TMEM120B: variants seen among roughly 807,000 people sequenced by gnomAD.
TMEM120B encodes the protein transmembrane protein 120B.
Under a neutral mutation model 55.5 loss-of-function variants are expected in TMEM120B, and 31 were observed. That is an observed-to-expected ratio of 0.56 (90% confidence interval 0.42 to 0.75). TMEM120B has a LOEUF of 0.75. Ranked by LOEUF, TMEM120B falls within the 30% of genes least tolerant of loss-of-function variation. The probability of loss-of-function intolerance (pLI) is 0.00; values close to 1 mark genes in which losing one functional copy is unlikely to be tolerated. For synonymous variants in TMEM120B, 203 were observed against 176.3 expected (o/e 1.15, Z -1.20); for missense variants, 399 against 425.5 (o/e 0.94, Z 0.55).
Position 121,781,059 on chromosome 12 carries a change from C to T in TMEM120B, c.*5337C>T, listed in dbSNP as rs1197044987. On this transcript the variant is annotated 3_prime_UTR_variant, in exon 12 of 12. Coordinates refer to ENST00000449592, the MANE Select transcript of TMEM120B (RefSeq NM_001080825.2). ...GTGCGGCCGGGCCCAGATGTGGGGC[C>T]ACCACCCAGGAGGCCGGCCTCACCT... 2 of 1,613,826 alleles carry T rather than the reference C, an allele frequency of 1.2e-6. No individual in the cohort carries two copies. The highest frequency in any genetic ancestry group is 2.2e-5 in the East Asian group (1 of 44,898).
intron 3 of TMEM120B, among the ~76,000 whole-genome samples, chr12:121,749,743 C>G (rs1592937556): frequency 6.6e-6 from 1 of 151,872 alleles, no homozygotes; most frequent in East Asian, 1.9e-4. Flanking sequence ...CCTAAACCTA[C>G]TAAAAATACA....
chr12:121,766,528 C>T (rs952767529), intron 6 of TMEM120B, among the ~76,000 whole-genome samples: 1 of 152,196 alleles, frequency 6.6e-6, no homozygotes, highest in Non-Finnish European at 1.5e-5. Context: ...GCTGACAGAC[C>T]TCCCTCCACC....
chr12:121,720,502 G>A (rs1894773256), intron 1 of TMEM120B, among the ~76,000 whole-genome samples: 1 of 152,092 alleles, frequency 6.6e-6, no homozygotes, highest in Admixed American at 6.6e-5. Flanking sequence ...TTGAGCTCAG[G>A]AGTTTGAGAC....
At chr12:121,736,610 C>T (rs1895121805) in intron 1 of TMEM120B, among the ~76,000 whole-genome samples, 6 of 152,038 alleles carry the variant, frequency 3.9e-5, no homozygotes, top group Admixed American at 3.9e-4. Context: ...AGCGCAGTGG[C>T]ACACTCTCAG....
intron 10 of TMEM120B, 150 bp downstream of exon 10, chr12:121,774,872 C>A: frequency 1.7e-6 from 2 of 1,197,870 alleles, no homozygotes; most frequent in Non-Finnish European, 2.4e-6. Context: ...CCAGGGATGC[C>A]AAGGCAGGAG....
intron 1 of TMEM120B, among the ~76,000 whole-genome samples, chr12:121,736,785 T>TCCGC: frequency 6.6e-6 from 1 of 152,218 alleles, no homozygotes; most frequent in South Asian, 2.1e-4. Context: ...CCTCAGGTGA[T>TCCGC]CTGCCCACTT....
intron 1 of TMEM120B, among the ~76,000 whole-genome samples, chr12:121,726,514 G>C (rs1363132470): frequency 6.6e-6 from 1 of 150,986 alleles, no homozygotes; most frequent in Non-Finnish European, 1.5e-5. Flanking sequence ...GGGAGGCGGA[G>C]CTTGCAGTGA....
At chr12:121,752,006 G>C (rs909708054) in intron 4 of TMEM120B, 122 bp from the exon 5 acceptor site, 7 of 766,326 alleles carry the variant, frequency 9.1e-6, no homozygotes, top group Non-Finnish European at 1.5e-5. Context: ...AGTGGAATGG[G>C]AAGGTCCTTA....
At chr12:121,713,008 G>A (rs1323944484) in intron 1 of TMEM120B, 44 bp downstream of exon 1, 1 of 1,470,160 alleles carries the variant, frequency 6.8e-7, no homozygotes, top group Non-Finnish European at 9.1e-7. Flanking sequence ...TGCCCGCGGT[G>A]CAGCGCCTTG....
At chr12:121,752,377 A>G (rs1489963192) in intron 5 of TMEM120B, among the ~76,000 whole-genome samples, 154 bp downstream of exon 5, 1 of 152,096 alleles carries the variant, frequency 6.6e-6, no homozygotes, top group Non-Finnish European at 1.5e-5. Flanking sequence ...CTCATGGGAA[A>G]TGCCAGTCCT....
chr12:121,724,337 A>G (rs1894849506), intron 1 of TMEM120B, among the ~76,000 whole-genome samples: 1 of 151,554 alleles, frequency 6.6e-6, no homozygotes, highest in Non-Finnish European at 1.5e-5. Flanking sequence ...GCCCAGCCAG[A>G]TAATTTTTAT....
At chr12:121,730,442 C>G (rs1464036205) in intron 1 of TMEM120B, among the ~76,000 whole-genome samples, 1 of 147,306 alleles carries the variant, frequency 6.8e-6, no homozygotes, top group African/African-American at 2.5e-5. Flanking sequence ...GTCAGGAGAT[C>G]GAGACCATCC....
Position 121,712,901 on chromosome 12 carries a change from C to T in TMEM120B, c.6C>T (p.Ser2=), listed in dbSNP as rs781447959. ...CCGCCTTGCACCATCGCATCATGTCCGGGCAGCTGGAGCGTTGCGAGCGCG... is the reference window on the plus strand; with the variant it reads ...CCGCCTTGCACCATCGCATCATGTCTGGGCAGCTGGAGCGTTGCGAGCGCG... M[S]GQLERCEREW... The change falls in exon 1 of 12, where the codon TCC becomes TCT. Residue 2 remains serine (S), a synonymous_variant. Transcript: ENST00000449592. 2 of 1,529,982 alleles carry T rather than the reference C, an allele frequency of 1.3e-6. No homozygotes were observed. The highest frequency in any genetic ancestry group is 2.3e-5 in the Admixed American group (1 of 42,734). 94.8% of individuals were successfully genotyped at this position (1,529,982 alleles called of 1,614,324 possible).
At chr12:121,754,003 T>TTTCTCTGGCCCTGGG (rs1203688121) in intron 5 of TMEM120B, among the ~76,000 whole-genome samples, 3 of 152,336 alleles carry the variant, frequency 2.0e-5, no homozygotes, top group Middle Eastern at 3.4e-3. Flanking sequence ...CTGCTGTTCC[T>TTTCTCTGGCCCTGGG]TTCTCTGGCC....
intron 1 of TMEM120B, among the ~76,000 whole-genome samples, chr12:121,737,581 G>A (rs1469434027): frequency 6.6e-6 from 1 of 152,102 alleles, no homozygotes; most frequent in Admixed American, 6.6e-5. Context: ...GGTTGGGGAG[G>A]GGCAATGGCC....
intron 1 of TMEM120B, among the ~76,000 whole-genome samples, chr12:121,727,402 C>T (rs569678487): frequency 6.6e-6 from 1 of 151,530 alleles, no homozygotes; most frequent in South Asian, 2.1e-4. Context: ...CAGGCATGGT[C>T]GTGCGTGCCC....
At chr12:121,757,683 CT>C (rs1873525811) in intron 5 of TMEM120B, among the ~76,000 whole-genome samples, 1 of 151,978 alleles carries the variant, frequency 6.6e-6, no homozygotes, top group African/African-American at 2.4e-5. Flanking sequence ...TGCCCGGCTA[CT>C]TTTTTGTATT....
At chr12:121,774,802 T>G (rs547414160) in intron 10 of TMEM120B, 80 bp downstream of exon 10, 1 of 1,503,964 alleles carries the variant, frequency 6.6e-7, no homozygotes, top group South Asian at 1.2e-5. Flanking sequence ...CTTGCCCTCC[T>G]TCTCCATCCG....
chr12:121,742,436 C>CA (rs202109012), intron 1 of TMEM120B, among the ~76,000 whole-genome samples: 4 of 151,746 alleles, frequency 2.6e-5, no homozygotes, highest in African/African-American at 4.8e-5. Flanking sequence ...CAAAACAAAA[C>CA]AAAAAAAATC....
Sources: allele counts gnomAD v4.1 joint callset (sites outside exome capture counted in the v4.1 genomes callset), GRCh38; gene constraint gnomAD v4.1.1; transcripts MANE v1.5; gene names NCBI Gene and HGNC (gene_info 2026-07-23, HGNC 2026-07-21).